IL15: variants seen among roughly 807,000 people sequenced by gnomAD.
IL15 encodes the protein interleukin-15.
IL15 carries 11 observed loss-of-function variants against 19.6 expected under a neutral mutation model. The observed-to-expected ratio is 0.56, with a 90% CI of 0.35 to 0.93. The LOEUF is 0.93. Among genes scored for constraint, IL15 ranks in the 40% least tolerant of loss-of-function variants. The pLI is 0.01. For synonymous variants in IL15, 58 were observed against 59.6 expected (o/e 0.97, Z 0.12); for missense variants, 197 against 186.5 (o/e 1.06, Z -0.33).
At chr4:141,708,598 C>T (rs572453223) in intron 2 of IL15, among the ~76,000 whole-genome samples, 1 of 152,238 alleles carries the variant, frequency 6.6e-6, no homozygotes, top group South Asian at 2.1e-4. Flanking sequence ...GGATTTAGAG[C>T]TTACCTTTAC....
intron 4 of IL15, chr4:141,720,936 T>A: frequency 1.8e-6 from 1 of 562,740 alleles, no homozygotes; most frequent in Non-Finnish European, 3.1e-6. Flanking sequence ...TGACTCCTCC[T>A]ATCCCTTGAT....
intron 2 of IL15, among the ~76,000 whole-genome samples, chr4:141,686,953 T>C (rs933470676): frequency 7.2e-5 from 11 of 152,356 alleles, no homozygotes; most frequent in Admixed American, 4.6e-4. Context: ...GAAAGAAAAT[T>C]CATTCTTTAG....
chr4:141,705,382 A>G (rs1183671996), intron 2 of IL15, among the ~76,000 whole-genome samples: 3 of 151,700 alleles, frequency 2.0e-5, no homozygotes, highest in African/African-American at 7.2e-5. Flanking sequence ...GTATTTTTAA[A>G]TTTTCTGAAG....
intron 5 of IL15, among the ~76,000 whole-genome samples, 183 bp from the exon 6 acceptor site, chr4:141,727,757 G>A (rs771378050): frequency 7.2e-5 from 11 of 151,926 alleles, no homozygotes; most frequent in African/African-American, 2.4e-4. Flanking sequence ...ATTACCACTG[G>A]GAGAAGCTTG....
chr4:141,669,429 A>G (rs1728097561), intron 2 of IL15, among the ~76,000 whole-genome samples: 1 of 152,184 alleles, frequency 6.6e-6, no homozygotes, highest in African/African-American at 2.4e-5. Flanking sequence ...TTCAGCCTCA[A>G]GGTGATGAAG....
chr4:141,726,424 T>C (rs1465739127), intron 5 of IL15, among the ~76,000 whole-genome samples: 2 of 152,072 alleles, frequency 1.3e-5, no homozygotes, highest in African/African-American at 4.8e-5. Flanking sequence ...TGATGCTAAG[T>C]AAATATAAAT....
At chr4:141,672,231 A>G (rs765547255) in intron 2 of IL15, among the ~76,000 whole-genome samples, 9 of 152,140 alleles carry the variant, frequency 5.9e-5, no homozygotes, top group Non-Finnish European at 1.0e-4. Flanking sequence ...AATTCTTGTT[A>G]CTTTATTATT....
intron 2 of IL15, among the ~76,000 whole-genome samples, chr4:141,692,402 C>T (rs986476554): frequency 1.3e-5 from 2 of 152,188 alleles, no homozygotes; most frequent in Non-Finnish European, 2.9e-5. Flanking sequence ...TTGAATTTCT[C>T]CACAGAAAGT....
chr4:141,650,768 G>A (rs1474784201), intron 1 of IL15, among the ~76,000 whole-genome samples: 1 of 151,982 alleles, frequency 6.6e-6, no homozygotes, highest in Non-Finnish European at 1.5e-5. Context: ...CATCTTTATA[G>A]ATGTTACTTA....
chr4:141,688,063 G>C (rs536355890), intron 2 of IL15, among the ~76,000 whole-genome samples: 1 of 151,972 alleles, frequency 6.6e-6, no homozygotes, highest in Non-Finnish European at 1.5e-5. Context: ...ACTCCCTAAG[G>C]GCAGCTTACA....
At chr4:141,701,047 T>C (rs543573734) in intron 2 of IL15, among the ~76,000 whole-genome samples, 1 of 152,330 alleles carries the variant, frequency 6.6e-6, no homozygotes, top group African/African-American at 2.4e-5. Flanking sequence ...TTTCTTTAAG[T>C]TGCTTTTCAC....
rs565393825 is a variant in IL15 at position 141,732,985 on chromosome 4, C to G, written c.*137C>G. 7.5e-7 allele frequency: 1 copy of G among 1,336,154 alleles called. No homozygotes were observed. The highest frequency in any genetic ancestry group is 1.7e-5 in the South Asian group (1 of 57,592). 82.8% of individuals were successfully genotyped at this position (1,336,154 alleles called of 1,614,324 possible). On this transcript the variant is annotated 3_prime_UTR_variant, in exon 8 of 8. Transcript: ENST00000320650. ...TCAAGAAGATGATCAGACCTTGGAT[C>G]AGATGAACTCTTAGAAATGAAGGCA...
At chr4:141,728,144 A>G (rs1730330904) in intron 6 of IL15, among the ~76,000 whole-genome samples, 160 bp downstream of exon 6, 1 of 152,014 alleles carries the variant, frequency 6.6e-6, no homozygotes, top group African/African-American at 2.4e-5. Context: ...TTGAGATGGG[A>G]CTTGGGGACA....
At chr4:141,691,446 C>T (rs755427487) in intron 2 of IL15, among the ~76,000 whole-genome samples, 6 of 152,266 alleles carry the variant, frequency 3.9e-5, no homozygotes, top group Admixed American at 2.6e-4. Context: ...CCCAAAAGTC[C>T]AAGTCCAAAG....
At chr4:141,732,347 T>G (rs1427837107) in intron 7 of IL15, among the ~76,000 whole-genome samples, 1 of 152,162 alleles carries the variant, frequency 6.6e-6, no homozygotes, top group African/African-American at 2.4e-5. Context: ...TCAGTGTTTC[T>G]AGGGCATAAC....
intron 2 of IL15, among the ~76,000 whole-genome samples, chr4:141,703,617 T>G (rs1193366938): frequency 1.3e-5 from 2 of 152,052 alleles, no homozygotes; most frequent in Middle Eastern, 3.4e-3. Context: ...GGAACTTTTA[T>G]TTTTTTTCCT....
chr4:141,639,030 A>G (rs1207150472), intron 1 of IL15, among the ~76,000 whole-genome samples: 1 of 152,262 alleles, frequency 6.6e-6, no homozygotes, highest in African/African-American at 2.4e-5. Context: ...TATGAGAAAC[A>G]GTATGAATAA....
At chr4:141,732,599 A>C (rs1579061513) in intron 7 of IL15, 139 bp from the exon 8 acceptor site, 1 of 1,103,470 alleles carries the variant, frequency 9.1e-7, no homozygotes, top group East Asian at 2.8e-5. Context: ...AGTTCTTCCT[A>C]ATATGCTATT....
chr4:141,665,791 A>G (rs529707014), intron 2 of IL15, among the ~76,000 whole-genome samples: 1 of 152,308 alleles, frequency 6.6e-6, no homozygotes, highest in South Asian at 2.1e-4. Flanking sequence ...GAGACATGGA[A>G]TGATGAATAT....
Sources: allele counts gnomAD v4.1 joint callset (sites outside exome capture counted in the v4.1 genomes callset), GRCh38; gene constraint gnomAD v4.1.1; transcripts MANE v1.5; gene names NCBI Gene and HGNC (gene_info 2026-07-23, HGNC 2026-07-21).